MYSM1: variants seen among roughly 807,000 people sequenced by gnomAD.
The protein encoded by MYSM1 is Myb like, SWIRM and MPN domains 1, also known as deubiquitinase MYSM1.
In MYSM1, 51 loss-of-function variants were observed where a neutral mutation model predicts 116.0. The observed-to-expected ratio is 0.44, with a 90% confidence interval of 0.35 to 0.56. The LOEUF is 0.56. MYSM1 is among the 20% of genes least tolerant of loss of function. The pLI is 0.00. For synonymous variants in MYSM1, 313 were observed against 315.2 expected, an observed-to-expected ratio of 0.99 and a Z score of 0.07; for missense variants, 900 against 974.9, an observed-to-expected ratio of 0.92 and a Z score of 1.02.
chr1:58,698,797 T>A (rs115155154), intron 1 of MYSM1, among the ~76,000 whole-genome samples: 274 of 152,320 alleles, frequency 1.8e-3, no homozygotes, highest in African/African-American at 6.3e-3. Context: ...GGCTCCCTAC[T>A]CATCTGCAAA....
chr1:58,661,911 A>G (rs1644397861), intron 17 of MYSM1, among the ~76,000 whole-genome samples: 1 of 152,064 alleles, frequency 6.6e-6, no homozygotes, highest in African/African-American at 2.4e-5. Context: ...CATCCTAGTG[A>G]TAATTAAAAA....
chr1:58,674,381 G>T (rs1373145359), intron 10 of MYSM1, among the ~76,000 whole-genome samples: 4 of 152,084 alleles, frequency 2.6e-5, no homozygotes, highest in Admixed American at 6.5e-5. Flanking sequence ...ATCCAGTTTT[G>T]CAAACCTCAA....
chr1:58,693,531 T>G (rs944624867), intron 2 of MYSM1, among the ~76,000 whole-genome samples: 2 of 152,236 alleles, frequency 1.3e-5, no homozygotes, highest in African/African-American at 4.8e-5. Context: ...CGAAAGGCAC[T>G]ATTACTCACT....
intron 10 of MYSM1, among the ~76,000 whole-genome samples, chr1:58,673,875 G>A (rs1644602933): frequency 6.6e-6 from 1 of 152,182 alleles, no homozygotes; most frequent in Admixed American, 6.5e-5. Context: ...GTAAGGGCAG[G>A]AGCACCAGTA....
At chr1:58,662,103 T>C (rs1644401209) in intron 17 of MYSM1, among the ~76,000 whole-genome samples, 1 of 151,872 alleles carries the variant, frequency 6.6e-6, no homozygotes, top group South Asian at 2.1e-4. Flanking sequence ...TCATTCCACC[T>C]CCCTAGAAGA....
chr1:58,690,944 G>C (rs1448666511), intron 3 of MYSM1, among the ~76,000 whole-genome samples: 2 of 152,230 alleles, frequency 1.3e-5, no homozygotes, highest in East Asian at 3.9e-4. Context: ...CAAACATTTA[G>C]ATCAAATCTA....
chr1:58,679,741 G>A (rs949515317), intron 8 of MYSM1, among the ~76,000 whole-genome samples: 6 of 152,150 alleles, frequency 3.9e-5, no homozygotes, highest in Admixed American at 6.5e-5. Flanking sequence ...TGAAAATTGT[G>A]AGTCAGCCGG....
chr1:58,671,962 A>C lies in MYSM1; in HGVS notation c.1573-4T>G. 2 of 1,611,550 alleles carry C rather than the reference A, an allele frequency of 1.2e-6. No homozygotes were observed. The highest frequency in any genetic ancestry group is 1.7e-6 in the Non-Finnish European group (2 of 1,178,690). On this transcript the variant is annotated splice_polypyrimidine_tract_variant and splice_region_variant and intron_variant, in intron 11 of 19. Coordinates refer to ENST00000472487, the MANE Select transcript of MYSM1 (RefSeq NM_001085487.3). ...CCAACTCCTCAGCAGAGAGATGCTA[A>C]AACAAAATGCCAATTGATTAAGGAG...
At chr1:58,667,716 A>T in intron 15 of MYSM1, 131 bp downstream of exon 15, 1 of 612,328 alleles carries the variant, frequency 1.6e-6, no homozygotes, top group Non-Finnish European at 2.9e-6. Context: ...ATAACTTGCT[A>T]CATTTGCATA....
In MYSM1 at chr1:58,660,165, A is replaced by T; in HGVS notation, c.2329-10T>A. 1.3e-6 allele frequency: 2 copies of T among 1,510,340 alleles called. No homozygotes were observed. Among genetic ancestry groups the T allele is most frequent in the Non-Finnish European group, 1.8e-6 (2 of 1,128,598 alleles). 93.6% of individuals were successfully genotyped at this position (1,510,340 alleles called of 1,614,324 possible). ...TCATACACTCCAAAAGCTAGTTGAA[A>T]AGAAAAGTTTTATATTTAAATACAG... is the stretch of plus-strand genomic sequence containing the variant. On this transcript the variant is annotated splice_polypyrimidine_tract_variant and intron_variant, in intron 19 of 19. Coordinates refer to ENST00000472487, the MANE Select transcript of MYSM1 (RefSeq NM_001085487.3).
intron 19 of MYSM1, among the ~76,000 whole-genome samples, chr1:58,660,945 A>T (rs1644380788): frequency 6.6e-6 from 1 of 152,140 alleles, no homozygotes; most frequent in Admixed American, 6.6e-5. Context: ...AAATCAGCCA[A>T]CACTGACAAA....
chr1:58,694,720 G>C (rs981399050), intron 2 of MYSM1, among the ~76,000 whole-genome samples: 1 of 151,496 alleles, frequency 6.6e-6, no homozygotes, highest in Admixed American at 6.6e-5. Flanking sequence ...CCAGGTTGGA[G>C]AGCAGTGGCA....
chr1:58,674,834 T>G (rs931250725), intron 10 of MYSM1, among the ~76,000 whole-genome samples: 2 of 148,968 alleles, frequency 1.3e-5, no homozygotes, highest in African/African-American at 2.5e-5. Context: ...GGCTGAGGCA[T>G]GAGAATGGTG....
intron 7 of MYSM1, among the ~76,000 whole-genome samples, chr1:58,684,543 C>A (rs6664782): frequency 0.57 from 80,521 of 141,612 alleles, 22,664 homozygotes; most frequent in East Asian, 0.63. Flanking sequence ...CCAGCCTGGG[C>A]GACAGAGCAA....
At chr1:58,690,114 T>TAC in intron 5 of MYSM1, 112 bp downstream of exon 5, 1 of 804,292 alleles carries the variant, frequency 1.2e-6, no homozygotes, top group South Asian at 2.0e-5. Context: ...TTTTTATATC[T>TAC]ACTTTAAGGT....
chr1:58,669,104 A>T (rs907495379), intron 12 of MYSM1, 66 bp from the exon 13 acceptor site: 1 of 1,225,142 alleles, frequency 8.2e-7, no homozygotes, highest in African/African-American at 1.6e-5. Flanking sequence ...TTATTTGTAA[A>T]TCTGAAAGTG....
intron 9 of MYSM1, among the ~76,000 whole-genome samples, chr1:58,676,146 C>T (rs2406931): frequency 0.57 from 86,389 of 151,974 alleles, 24,849 homozygotes; most frequent in East Asian, 0.64. Context: ...AGGTCAGGCG[C>T]GGTGGCTCAC....
chr1:58,681,021 G>C (rs570546504), intron 8 of MYSM1, among the ~76,000 whole-genome samples: 70 of 152,072 alleles, frequency 4.6e-4, no homozygotes, highest in African/African-American at 1.5e-3. Flanking sequence ...GAAGGGACAG[G>C]GTTTCACCAC....
At chr1:58,675,447 G>A (rs1644635535) in intron 10 of MYSM1, 30 bp downstream of exon 10, 1 of 1,501,376 alleles carries the variant, frequency 6.7e-7, no homozygotes, top group Non-Finnish European at 9.2e-7. Context: ...CAGCAATGTG[G>A]AGAGATCACT....
Sources: gnomAD v4.1 joint callset for allele counts (sites outside exome capture counted in the v4.1 genomes callset) on GRCh38, gnomAD v4.1.1 for gene constraint, MANE v1.5 for transcripts, NCBI Gene and HGNC (gene_info 2026-07-23, HGNC 2026-07-21) for gene names.